The following ERC2 variants were observed in gnomAD, a reference collection of about 807,000 sequenced individuals.
ERC2 encodes the protein ERC protein 2.
A neutral mutation model predicts 114.8 loss-of-function variants in ERC2; 42 were observed. The ratio of observed to expected loss-of-function variants is 0.37; its 90% CI spans 0.29 to 0.47. The LOEUF is 0.47. ERC2 is among the 20% of genes least tolerant of loss of function. The pLI, the probability that ERC2 is intolerant of heterozygous loss-of-function variation, is 0.99. For missense variants in ERC2, 939 were observed against 1,150.7 expected, an observed-to-expected ratio of 0.82 and a Z score of 2.66; for synonymous variants, 454 against 425.5, an observed-to-expected ratio of 1.07 and a Z score of -0.82.
At chr3:55,538,976 C>T (rs1254330935) in intron 17 of ERC2, among the ~76,000 whole-genome samples, 1 of 152,202 alleles carries the variant, frequency 6.6e-6, no homozygotes, top group Non-Finnish European at 1.5e-5. Flanking sequence ...GGTGGGCGTA[C>T]AGAGCCTTTA....
intron 3 of ERC2, among the ~76,000 whole-genome samples, chr3:56,178,708 T>G (rs1422367543): frequency 6.6e-6 from 1 of 152,118 alleles, no homozygotes; most frequent in African/African-American, 2.4e-5. Context: ...AATACAGCAG[T>G]GAACCAAACA....
intron 3 of ERC2, among the ~76,000 whole-genome samples, chr3:56,230,748 T>C (rs970793695): frequency 1.4e-4 from 21 of 152,232 alleles, no homozygotes; most frequent in African/African-American, 5.1e-4. Flanking sequence ...TTTGGAAGCA[T>C]TTTATTGTTA....
At chr3:56,438,297 T>C (rs2062121588) in intron 1 of ERC2, among the ~76,000 whole-genome samples, 1 of 152,222 alleles carries the variant, frequency 6.6e-6, no homozygotes, top group Non-Finnish European at 1.5e-5. Flanking sequence ...CTGCTTCCTT[T>C]TAACCAACTC....
chr3:56,195,113 C>T (rs559040030), intron 3 of ERC2, among the ~76,000 whole-genome samples: 11 of 152,172 alleles, frequency 7.2e-5, no homozygotes, highest in Non-Finnish European at 1.6e-4. Flanking sequence ...GCCAACATCA[C>T]TGCTCTTGGG....
chr3:55,822,189 A>G (rs899312603), intron 14 of ERC2, among the ~76,000 whole-genome samples: 3 of 152,224 alleles, frequency 2.0e-5, no homozygotes, highest in African/African-American at 4.8e-5. Flanking sequence ...TGAAATTGAC[A>G]TGGTGCAGTT....
intron 2 of ERC2, among the ~76,000 whole-genome samples, chr3:56,408,476 A>G (rs1443080332): frequency 6.6e-6 from 1 of 151,950 alleles, no homozygotes; most frequent in East Asian, 1.9e-4. Context: ...CCCCAAACAC[A>G]CACACACACA....
At chr3:56,305,741 C>T (rs865913142) in intron 2 of ERC2, among the ~76,000 whole-genome samples, 3 of 152,214 alleles carry the variant, frequency 2.0e-5, no homozygotes, top group Non-Finnish European at 4.4e-5. Flanking sequence ...TACCTGAAGC[C>T]GGGATGGCAA....
In ERC2 at chr3:55,769,521, C is replaced by T. The variant is rs117161136; in HGVS notation, c.2565-34603G>A. Among the ~76,000 whole-genome samples the T allele has an allele frequency of 7.5e-4, 114 of 152,002 alleles. 1 individual carries two copies. The East Asian group carries it at 0.02, about 27-fold the overall frequency. On this transcript the variant is annotated intron_variant, in intron 14 of 17. Coordinates refer to ENST00000288221, the MANE Select transcript of ERC2 (RefSeq NM_015576.3). ...TGCAAAGGTTTGCAGGTTGAGAATG[C>T]AGGATATTGTCAGACGATGTTAGAT...
intron 2 of ERC2, among the ~76,000 whole-genome samples, chr3:56,424,619 T>C (rs1255836048): frequency 6.6e-6 from 1 of 152,226 alleles, no homozygotes; most frequent in Non-Finnish European, 1.5e-5. Context: ...ATCTCATCTA[T>C]CTTCAAAACC....
chr3:55,703,039 C>T (rs1201141734), intron 15 of ERC2, among the ~76,000 whole-genome samples: 1 of 152,172 alleles, frequency 6.6e-6, no homozygotes, highest in Admixed American at 6.5e-5. Context: ...ACTGTGGAGA[C>T]AAATCTAATC....
At chr3:56,450,858 G>A in intron 1 of ERC2, among the ~76,000 whole-genome samples, 1 of 151,984 alleles carries the variant, frequency 6.6e-6, no homozygotes, top group Middle Eastern at 3.4e-3. Context: ...TTTAAAAATG[G>A]CAAAATCCCA....
intron 7 of ERC2, among the ~76,000 whole-genome samples, chr3:56,063,833 TA>T (rs1221047187): frequency 6.6e-6 from 1 of 152,216 alleles, no homozygotes; most frequent in Non-Finnish European, 1.5e-5. Context: ...CATTTTCTGA[TA>T]CTTCTCTGTA....
intron 14 of ERC2, among the ~76,000 whole-genome samples, chr3:55,841,481 T>G (rs2061130445): frequency 6.6e-6 from 1 of 152,212 alleles, no homozygotes; most frequent in African/African-American, 2.4e-5. Flanking sequence ...TAAATGTCTT[T>G]CCTTTATAAA....
At chr3:56,302,505 G>C (rs2055948527) in intron 2 of ERC2, among the ~76,000 whole-genome samples, 1 of 151,932 alleles carries the variant, frequency 6.6e-6, no homozygotes, top group African/African-American at 2.4e-5. Flanking sequence ...TAGCTCTAAA[G>C]GACCAGGATA....
chr3:56,297,501 C>T (rs1272564073), intron 2 of ERC2, among the ~76,000 whole-genome samples: 1 of 152,228 alleles, frequency 6.6e-6, no homozygotes, highest in Non-Finnish European at 1.5e-5. Context: ...TGAGAAAAGG[C>T]ACCCGTGCTT....
chr3:55,867,430 G>A (rs969577466), intron 14 of ERC2, among the ~76,000 whole-genome samples: 27 of 152,286 alleles, frequency 1.8e-4, no homozygotes, highest in Admixed American at 1.2e-3. Context: ...AAGGGTTCTA[G>A]TCATCCGTAG....
chr3:55,674,232 A>G (rs2061685690), intron 17 of ERC2, among the ~76,000 whole-genome samples: 3 of 152,196 alleles, frequency 2.0e-5, no homozygotes. Flanking sequence ...GGCTTAATCC[A>G]TCAGGTGGGA....
At chr3:56,332,067 G>A (rs2057643944) in intron 2 of ERC2, among the ~76,000 whole-genome samples, 1 of 152,068 alleles carries the variant, frequency 6.6e-6, no homozygotes, top group African/African-American at 2.4e-5. Context: ...GGACCTAACA[G>A]CTGCCTTAAG....
At position 56,204,476 on chromosome 3, in the gene ERC2, CTTTTA is replaced by C. The variant is rs11267334; in HGVS notation, c.1075-30961_1075-30957del. Reference sequence around the variant, plus strand: ...TGTGACACAAACATTTAATTAGATGCTTTTATTTTATTTTATTTTATTTTATTTTA... The same window carrying C: ...TGTGACACAAACATTTAATTAGATGCTTTTATTTTATTTTATTTTATTTTA... On this transcript the variant is annotated intron_variant, in intron 3 of 17. Transcript: ENST00000288221. Among the ~76,000 whole-genome samples the C allele has an allele frequency of 1.9e-3, 253 of 132,922 alleles. 3 individuals are homozygous for C. Among genetic ancestry groups the C allele is most frequent in the African/African-American group, 4.9e-3 (176 of 36,068 alleles). 87.2% of individuals were successfully genotyped at this position (132,922 alleles called of 152,430 possible). A position where few individuals can be genotyped will look rare whatever the true frequency, so the allele number is the denominator to read the frequency against.
Sources: allele counts gnomAD v4.1 joint callset (sites outside exome capture counted in the v4.1 genomes callset), GRCh38; gene constraint gnomAD v4.1.1; transcripts MANE v1.5; gene names NCBI Gene and HGNC (gene_info 2026-07-23, HGNC 2026-07-21).